GRID2: variants seen among roughly 807,000 people sequenced by gnomAD.
GRID2 encodes glutamate receptor ionotropic, delta-2.
A neutral mutation model predicts 114.8 loss-of-function variants in GRID2; 33 were observed. The ratio of observed to expected loss-of-function variants is 0.29; its 90% CI spans 0.22 to 0.38. The LOEUF is 0.38. GRID2 is among the 10% of genes least tolerant of loss of function. GRID2 has a pLI of 1.00. For missense variants in GRID2, 1,184 were observed against 1,257.7 expected (o/e 0.94, Z 0.89); for synonymous variants, 505 against 449.9 (o/e 1.12, Z -1.55).
At chr4:92,809,280 A>G (rs1265271371) in intron 2 of GRID2, among the ~76,000 whole-genome samples, 1 of 152,024 alleles carries the variant, frequency 6.6e-6, no homozygotes, top group Non-Finnish European at 1.5e-5. Flanking sequence ...CCTTAGGAGT[A>G]TGAAAATAAT....
chr4:93,785,325 A>G (rs1047705647), intron 1 of GRID2, among the ~76,000 whole-genome samples: 1 of 152,226 alleles, frequency 6.6e-6, no homozygotes, highest in African/African-American at 2.4e-5. Context: ...ATAAATTGGA[A>G]TAAGTAGTAA....
intron 1 of GRID2, among the ~76,000 whole-genome samples, chr4:92,563,854 T>G (rs1727216352): frequency 6.6e-6 from 1 of 152,116 alleles, no homozygotes; most frequent in Admixed American, 6.6e-5. Context: ...AGTGTTCAGC[T>G]AAATGAAATA....
chr4:92,574,411 GTATTT>G (rs1159788858), intron 1 of GRID2, among the ~76,000 whole-genome samples: 2 of 122,918 alleles, frequency 1.6e-5, no homozygotes, highest in African/African-American at 3.1e-5. Flanking sequence ...CTGTACTTTA[GTATTT>G]TTTTTTTTTT....
intron 8 of GRID2, among the ~76,000 whole-genome samples, chr4:93,376,514 T>C (rs1300331835): frequency 6.6e-6 from 1 of 152,064 alleles, no homozygotes; most frequent in Non-Finnish European, 1.5e-5. Flanking sequence ...GGAGAACCCA[T>C]AAATAAAGCA....
intron 1 of GRID2, among the ~76,000 whole-genome samples, chr4:92,467,095 A>G (rs1721796480): frequency 6.6e-6 from 1 of 151,810 alleles, no homozygotes; most frequent in Non-Finnish European, 1.5e-5. Flanking sequence ...TTAGAAAAAC[A>G]CAAATCCTAT....
At position 93,224,619 on chromosome 4, in the gene GRID2, C is replaced by T. The variant is rs1454391735; in HGVS notation, c.969C>T (p.Ser323=). 3 of 1,605,100 alleles carry T rather than the reference C, an allele frequency of 1.9e-6. No individual in the cohort carries two copies. Among genetic ancestry groups the T allele is most frequent in the African/African-American group, 2.7e-5 (2 of 74,514 alleles). ...ACTTTCTAATGTCTTTTCAGATTTC[C>T]AACCTTTACATATATGACACGGTGC... ...KDPFAQNMEI[S]NLYIYDTVLL... is the part of the protein sequence containing the mutation. Residue 323 remains serine (S), a synonymous_variant, in exon 7 of 16, where the codon TCC becomes TCT. Coordinates refer to ENST00000282020, the MANE Select transcript of GRID2 (RefSeq NM_001510.4).
intron 4 of GRID2, among the ~76,000 whole-genome samples, chr4:93,169,409 C>G (rs529072333): frequency 1.3e-4 from 20 of 152,166 alleles, no homozygotes; most frequent in Admixed American, 1.1e-3. Context: ...CACAGTCTTA[C>G]CAAGATTTTA....
chr4:93,416,417 T>C (rs986581995), intron 9 of GRID2, among the ~76,000 whole-genome samples: 4 of 152,068 alleles, frequency 2.6e-5, no homozygotes, highest in Non-Finnish European at 5.9e-5. Flanking sequence ...AAAAATATTT[T>C]AAACAAGCCA....
At chr4:93,754,226 C>T (rs976401470) in intron 14 of GRID2, among the ~76,000 whole-genome samples, 2 of 152,182 alleles carry the variant, frequency 1.3e-5, no homozygotes, top group African/African-American at 4.8e-5. Flanking sequence ...TTATGAGGTA[C>T]ATGACTGTAA....
At chr4:93,200,017 GTGTT>G (rs553035468) in intron 4 of GRID2, among the ~76,000 whole-genome samples, 5 of 152,164 alleles carry the variant, frequency 3.3e-5, no homozygotes, top group East Asian at 1.9e-4. Flanking sequence ...TTTTTGGTTG[GTGTT>G]TGTTTGTTTA....
intron 2 of GRID2, among the ~76,000 whole-genome samples, chr4:92,969,513 C>T (rs1433027864): frequency 2.6e-5 from 4 of 151,716 alleles, no homozygotes; most frequent in Admixed American, 6.6e-5. Flanking sequence ...GATGGAATTA[C>T]AACTGATAAT....
intron 1 of GRID2, among the ~76,000 whole-genome samples, chr4:92,462,929 T>G (rs1438028413): frequency 1.3e-5 from 2 of 151,960 alleles, no homozygotes; most frequent in African/African-American, 4.8e-5. Flanking sequence ...AATTGTCCCT[T>G]ATTCTAATTT....
intron 4 of GRID2, among the ~76,000 whole-genome samples, chr4:93,145,467 A>T (rs892675100): frequency 0.018 from 1,770 of 100,962 alleles, 33 homozygotes; most frequent in African/African-American, 0.067. Flanking sequence ...TTATTTATTT[A>T]TTTATTTTTT....
At chr4:93,479,432 G>A (rs1725643468) in intron 11 of GRID2, among the ~76,000 whole-genome samples, 2 of 152,132 alleles carry the variant, frequency 1.3e-5, no homozygotes, top group African/African-American at 4.8e-5. Flanking sequence ...ATTTATTAGA[G>A]AAATTGGCTC....
At chr4:92,872,315 ATTAG>A (rs1344757247) in intron 2 of GRID2, among the ~76,000 whole-genome samples, 15 of 152,214 alleles carry the variant, frequency 9.9e-5, no homozygotes, top group African/African-American at 1.9e-4. Context: ...ATAAATGGCA[ATTAG>A]TTAAACTGAA....
chr4:93,743,575 A>G (rs1731591021), intron 14 of GRID2, among the ~76,000 whole-genome samples: 1 of 152,194 alleles, frequency 6.6e-6, no homozygotes, highest in South Asian at 2.1e-4. Flanking sequence ...TGGAAGGTGA[A>G]GAGGAGCTGC....
chr4:93,451,575 C>A (rs906745646), intron 10 of GRID2, among the ~76,000 whole-genome samples: 6 of 151,988 alleles, frequency 3.9e-5, no homozygotes, highest in African/African-American at 1.4e-4. Context: ...CATGCAAATT[C>A]ATTGAAAATT....
At chr4:93,347,354 A>C (rs1278540368) in intron 8 of GRID2, among the ~76,000 whole-genome samples, 2 of 152,248 alleles carry the variant, frequency 1.3e-5, no homozygotes, top group East Asian at 1.9e-4. Flanking sequence ...AAACACATTT[A>C]ATTTGTAAGT....
intron 3 of GRID2, among the ~76,000 whole-genome samples, chr4:93,105,096 T>G (rs1732081458): frequency 6.6e-6 from 1 of 152,198 alleles, no homozygotes; most frequent in Admixed American, 6.5e-5. Flanking sequence ...TTTGGCTGCA[T>G]AAATGTCTTC....
Sources: allele counts gnomAD v4.1 joint callset (sites outside exome capture counted in the v4.1 genomes callset), GRCh38; gene constraint gnomAD v4.1.1; transcripts MANE v1.5; gene names NCBI Gene and HGNC (gene_info 2026-07-23, HGNC 2026-07-21).